CA8: variants seen among roughly 807,000 people sequenced by gnomAD.
CA8 encodes the protein carbonic anhydrase-related protein.
A neutral mutation model predicts 41.4 loss-of-function variants in CA8; 22 were observed. That is an observed-to-expected ratio of 0.53 (90% confidence interval 0.38 to 0.76). The LOEUF (loss-of-function observed/expected upper bound fraction) is 0.76. CA8 is among the 30% of genes least tolerant of loss of function. The pLI is 0.00. For missense variants in CA8, 270 were observed against 352.8 expected, an observed-to-expected ratio of 0.77 and a Z score of 1.88; for synonymous variants, 121 against 130.6, an observed-to-expected ratio of 0.93 and a Z score of 0.50.
chr8:60,274,645 G>A (rs1484112542), intron 2 of CA8, among the ~76,000 whole-genome samples: 2 of 152,132 alleles, frequency 1.3e-5, no homozygotes, highest in Non-Finnish European at 2.9e-5. Flanking sequence ...GAGCCTGTTT[G>A]ACCCTTCTGC....
chr8:60,225,477 C>T (rs1384472272), intron 5 of CA8, among the ~76,000 whole-genome samples: 1 of 152,206 alleles, frequency 6.6e-6, no homozygotes, highest in African/African-American at 2.4e-5. Flanking sequence ...CAGTCCACTG[C>T]AGTTGTACAA....
intron 7 of CA8, among the ~76,000 whole-genome samples, chr8:60,219,939 A>AAAAAAC (rs1807181544): frequency 7.7e-6 from 1 of 129,842 alleles, no homozygotes; most frequent in African/African-American, 2.7e-5. Context: ...TAAAAAAAAA[A>AAAAAAC]AAAAAAAAAA....
At chr8:60,219,943 A>AAC (rs56723478) in intron 7 of CA8, among the ~76,000 whole-genome samples, 43,437 of 141,370 alleles carry the variant, frequency 0.31, 7,932 homozygotes, top group Admixed American at 0.39. Context: ...AAAAAAAAAA[A>AAC]AAAAAAAAAA....
intron 8 of CA8, among the ~76,000 whole-genome samples, chr8:60,193,075 T>C (rs1024846652): frequency 6.6e-6 from 1 of 152,092 alleles, no homozygotes; most frequent in Non-Finnish European, 1.5e-5. Flanking sequence ...CTTCTATTAT[T>C]GTAATGATGT....
Position 60,188,964 on chromosome 8 carries a change from T to C in CA8, c.*1057A>G, listed in dbSNP as rs1806039221. The C allele has an allele frequency of 6.6e-6, 1 of 152,188 alleles. No individual in the cohort carries two copies. Among genetic ancestry groups the C allele is most frequent in the South Asian group, 2.1e-4 (1 of 4,826 alleles). The allele number at this position is 152,188 out of a possible 1,614,324, so 9.4% of individuals were successfully genotyped here. ...GACTATGTTTTTGAAGTCATTCATT[T>C]TACAATTATAACAACAATAACAATA... is the stretch of plus-strand genomic sequence containing the variant. On this transcript the variant is annotated 3_prime_UTR_variant, in exon 9 of 9. Transcript: ENST00000317995.
intron 8 of CA8, 146 bp downstream of exon 8, chr8:60,208,604 A>C: frequency 1.4e-6 from 1 of 691,528 alleles, no homozygotes; most frequent in Non-Finnish European, 2.5e-6. Flanking sequence ...TGTAATTAAC[A>C]GAGCTCAAGA....
At chr8:60,232,126 G>A (rs1045172998) in intron 4 of CA8, among the ~76,000 whole-genome samples, 158 bp downstream of exon 4, 2 of 152,050 alleles carry the variant, frequency 1.3e-5, no homozygotes, top group Middle Eastern at 3.2e-3. Context: ...TCTGAACTCC[G>A]ATAAACCATA....
chr8:60,232,891 T>C (rs1807704899), intron 3 of CA8, among the ~76,000 whole-genome samples: 1 of 152,168 alleles, frequency 6.6e-6, no homozygotes, highest in Non-Finnish European at 1.5e-5. Context: ...AAGCTGCATA[T>C]TTAAAGCCAC....
Position 60,208,939 on chromosome 8 carries a change from A to C in CA8, c.739-20T>G. The C allele has an allele frequency of 6.2e-7, 1 of 1,613,042 alleles. No individual in the cohort carries two copies. Among genetic ancestry groups the C allele is most frequent in the Non-Finnish European group, 8.5e-7 (1 of 1,179,006 alleles). ...TTCTATCTGAAAATAAAAGCAGAAG[A>C]AAATAGATTAATCAATTATCGGACA... is the stretch of plus-strand genomic sequence containing the variant. On this transcript the variant is annotated intron_variant, in intron 7 of 8. Transcript: ENST00000317995.
chr8:60,242,633 A>G (rs1808073245), intron 3 of CA8, among the ~76,000 whole-genome samples: 1 of 147,282 alleles, frequency 6.8e-6, no homozygotes, highest in Admixed American at 6.6e-5. Flanking sequence ...ACCTGGTGTT[A>G]GTGAGCACTC....
chr8:60,267,440 G>A (rs988391040), intron 2 of CA8, among the ~76,000 whole-genome samples: 2 of 152,166 alleles, frequency 1.3e-5, no homozygotes, highest in Non-Finnish European at 2.9e-5. Context: ...AACAGGAAAG[G>A]GAAGTGAGAT....
At chr8:60,191,601 G>C (rs952238061) in intron 8 of CA8, among the ~76,000 whole-genome samples, 3 of 152,078 alleles carry the variant, frequency 2.0e-5, no homozygotes, top group African/African-American at 7.2e-5. Flanking sequence ...ATTACATCCA[G>C]GATTCTCCAG....
intron 2 of CA8, 119 bp from the exon 3 acceptor site, chr8:60,266,168 CA>C (rs764276472): frequency 2.4e-5 from 22 of 924,730 alleles, no homozygotes; most frequent in Non-Finnish European, 8.0e-6. Flanking sequence ...ATTAAATTCA[CA>C]AAGCCAAAAT....
intron 3 of CA8, among the ~76,000 whole-genome samples, chr8:60,246,303 G>A (rs911211486): frequency 1.3e-5 from 2 of 151,850 alleles, no homozygotes; most frequent in African/African-American, 2.4e-5. Flanking sequence ...AGTTTGTTTT[G>A]CTTTGTTTTA....
At chr8:60,223,481 C>G (rs1807319357) in intron 6 of CA8, among the ~76,000 whole-genome samples, 1 of 152,056 alleles carries the variant, frequency 6.6e-6, no homozygotes, top group Non-Finnish European at 1.5e-5. Flanking sequence ...TTTTTGAGAG[C>G]AAGGTCTGGC....
intron 2 of CA8, among the ~76,000 whole-genome samples, chr8:60,267,940 C>T (rs1563381072): frequency 6.6e-6 from 1 of 152,248 alleles, no homozygotes; most frequent in Middle Eastern, 3.4e-3. Context: ...ATGTATGAAA[C>T]GTTTCTAAAC....
intron 2 of CA8, among the ~76,000 whole-genome samples, chr8:60,270,605 G>A (rs993313272): frequency 2.0e-5 from 3 of 152,126 alleles, no homozygotes; most frequent in Non-Finnish European, 2.9e-5. Flanking sequence ...TACTAGAGAC[G>A]GGGTTTCACC....
chr8:60,263,253 C>A (rs151315890), intron 3 of CA8, among the ~76,000 whole-genome samples: 1 of 148,430 alleles, frequency 6.7e-6, no homozygotes, highest in African/African-American at 2.5e-5. Context: ...AACTGGGAGG[C>A]GGAAGCTGCA....
chr8:60,279,637 T>C, intron 2 of CA8, 52 bp downstream of exon 2: 2 of 1,475,344 alleles, frequency 1.4e-6, no homozygotes, highest in South Asian at 2.3e-5. Context: ...GTTCAATAAC[T>C]CTACGCTGAC....
Sources: gnomAD v4.1 joint callset for allele counts (sites outside exome capture counted in the v4.1 genomes callset) on GRCh38, gnomAD v4.1.1 for gene constraint, MANE v1.5 for transcripts, NCBI Gene and HGNC (gene_info 2026-07-23, HGNC 2026-07-21) for gene names.